Variants in MPP7 observed in about 807,000 individuals in gnomAD.
MPP7 encodes MAGUK p55 scaffold protein 7, also known as MAGUK p55 subfamily member 7.
MPP7 carries 60 observed loss-of-function variants against 76.5 expected under a neutral mutation model. The observed-to-expected ratio is 0.78, with a 90% confidence interval of 0.64 to 0.97. The LOEUF is 0.97. MPP7 is among the 50% of genes least tolerant of loss of function. The pLI, the probability that MPP7 is intolerant of heterozygous loss-of-function variation, is 0.00. For missense variants in MPP7, 641 were observed against 694.0 expected (o/e 0.92, Z 0.86); for synonymous variants, 237 against 244.5 (o/e 0.97, Z 0.29).
At chr10:28,220,620 A>C (rs535526240) in intron 2 of MPP7, among the ~76,000 whole-genome samples, 1 of 152,254 alleles carries the variant, frequency 6.6e-6, no homozygotes, top group South Asian at 2.1e-4. Context: ...TCATTGTATT[A>C]AGTGGTAAGC....
chr10:28,170,404 A>C (rs971869724), intron 3 of MPP7, among the ~76,000 whole-genome samples: 5 of 151,756 alleles, frequency 3.3e-5, no homozygotes, highest in African/African-American at 9.7e-5. Flanking sequence ...TCCTGGGCTC[A>C]AGTAATTGTT....
At chr10:28,124,302 C>T (rs1834939694) in intron 7 of MPP7, among the ~76,000 whole-genome samples, 186 bp from the exon 8 acceptor site, 1 of 152,150 alleles carries the variant, frequency 6.6e-6, no homozygotes, top group African/African-American at 2.4e-5. Context: ...AAAACCACAA[C>T]ATAGTAATGC....
chr10:28,253,062 C>G (rs971582365), intron 1 of MPP7, among the ~76,000 whole-genome samples: 7 of 152,136 alleles, frequency 4.6e-5, no homozygotes, highest in African/African-American at 7.2e-5. Context: ...CACGCACCAC[C>G]ATGCCCAACT....
At chr10:28,260,769 C>CAAAAA (rs772017051) in intron 1 of MPP7, among the ~76,000 whole-genome samples, 17 of 68,336 alleles carry the variant, frequency 2.5e-4, no homozygotes, top group African/African-American at 6.3e-4. Flanking sequence ...GACTCCATCT[C>CAAAAA]AAAAAAAAAA....
intron 6 of MPP7, among the ~76,000 whole-genome samples, chr10:28,129,525 T>G (rs1161541775): frequency 6.6e-6 from 1 of 151,534 alleles, no homozygotes; most frequent in Non-Finnish European, 1.5e-5. Flanking sequence ...GAAGCGGAGG[T>G]TGCAGTGAGC....
At chr10:28,138,458 C>T (rs1445868114) in intron 5 of MPP7, among the ~76,000 whole-genome samples, 4 of 152,184 alleles carry the variant, frequency 2.6e-5, no homozygotes, top group African/African-American at 7.2e-5. Flanking sequence ...CATTTTCAGA[C>T]ATCTATTGTT....
At chr10:28,262,190 T>TATATATATATATAC (rs1342782018) in intron 1 of MPP7, among the ~76,000 whole-genome samples, 8 of 4,638 alleles carry the variant, frequency 1.7e-3, no homozygotes, top group East Asian at 0.056. Context: ...ATAAATTATA[T>TATATATATATATAC]ATATATATAT....
chr10:28,072,948 C>A (rs1229130997), intron 12 of MPP7, among the ~76,000 whole-genome samples: 2 of 152,154 alleles, frequency 1.3e-5, no homozygotes, highest in Non-Finnish European at 2.9e-5. Flanking sequence ...CTAAGACCAA[C>A]CCAATGGCCT....
intron 4 of MPP7, among the ~76,000 whole-genome samples, chr10:28,149,630 T>C (rs1835814039): frequency 6.6e-6 from 1 of 152,228 alleles, no homozygotes; most frequent in Non-Finnish European, 1.5e-5. Flanking sequence ...GCAATAGAGC[T>C]ATCTCATTTG....
intron 11 of MPP7, chr10:28,118,975 C>T (rs11006882): frequency 6.5e-5 from 64 of 985,146 alleles, no homozygotes; most frequent in Non-Finnish European, 7.4e-5. Flanking sequence ...CATGAAACAT[C>T]TAGGCGAGGT....
chr10:28,150,121 A>C, intron 3 of MPP7, 62 bp from the exon 4 acceptor site: 1 of 1,137,982 alleles, frequency 8.8e-7, no homozygotes, highest in Non-Finnish European at 1.3e-6. Context: ...ATAGCTGCAC[A>C]TTTTTATACT....
intron 1 of MPP7, among the ~76,000 whole-genome samples, chr10:28,264,918 T>C (rs1197711807): frequency 6.6e-6 from 1 of 152,102 alleles, no homozygotes; most frequent in Non-Finnish European, 1.5e-5. Context: ...ACAGTCCTCA[T>C]CTCCAAATGC....
intron 5 of MPP7, among the ~76,000 whole-genome samples, chr10:28,139,880 G>A (rs11817203): frequency 0.11 from 16,007 of 151,884 alleles, 1,371 homozygotes; most frequent in East Asian, 0.42. Flanking sequence ...ATTTGCAAAA[G>A]TTGGCCAAAC....
chr10:28,146,424 C>T (rs1480192835), intron 5 of MPP7, among the ~76,000 whole-genome samples: 10 of 139,218 alleles, frequency 7.2e-5, no homozygotes, highest in Admixed American at 6.7e-4. Flanking sequence ...TTTTTTGAGA[C>T]GGAGTCTCGC....
intron 2 of MPP7, among the ~76,000 whole-genome samples, chr10:28,314,278 A>G (rs79233423): frequency 1.9e-4 from 29 of 152,346 alleles, no homozygotes; most frequent in African/African-American, 7.0e-4. Context: ...ATAGCCTCTC[A>G]GAGTTCACAG....
At chr10:28,323,692 TAATA>T (rs3064198) in intron 2 of MPP7, among the ~76,000 whole-genome samples, 39,060 of 134,776 alleles carry the variant, frequency 0.29, 6,957 homozygotes, top group African/African-American at 0.56. Context: ...ACACAAAAAA[TAATA>T]AATAAATAAA....
intron 3 of MPP7, among the ~76,000 whole-genome samples, chr10:28,176,095 G>A (rs763245032): frequency 1.2e-4 from 19 of 152,214 alleles, no homozygotes; most frequent in Non-Finnish European, 2.5e-4. Context: ...GGGAAGAGCA[G>A]GGTAAAGGAA....
At chr10:28,334,391 A>G (rs10826453) in intron 1 of MPP7, 27,461 of 152,082 alleles carry the variant, frequency 0.18, 3,143 homozygotes, top group East Asian at 0.5. Context: ...ATGATAGTTG[A>G]CTCCCCATCA....
intron 1 of MPP7, among the ~76,000 whole-genome samples, chr10:28,250,351 T>G (rs1208787971): frequency 1.3e-5 from 2 of 152,234 alleles, no homozygotes; most frequent in Non-Finnish European, 2.9e-5. Context: ...ATTGTACTAT[T>G]CTTTCTACTT....
Sources: gnomAD v4.1 joint callset for allele counts (sites outside exome capture counted in the v4.1 genomes callset) on GRCh38, gnomAD v4.1.1 for gene constraint, MANE v1.5 for transcripts, NCBI Gene and HGNC (gene_info 2026-07-23, HGNC 2026-07-21) for gene names.